Variants in HPCAL1 observed in about 807,000 individuals in gnomAD.
HPCAL1 encodes hippocalcin like 1.
Under a neutral mutation model 17.1 loss-of-function variants are expected in HPCAL1, and 8 were observed. The ratio of observed to expected loss-of-function variants is 0.47; its 90% CI spans 0.27 to 0.84. HPCAL1 has a LOEUF of 0.84. Among genes scored for constraint, HPCAL1 ranks in the 40% least tolerant of loss-of-function variants. HPCAL1 has a pLI of 0.13. For synonymous variants in HPCAL1, 112 were observed against 111.4 expected (o/e 1.01, Z -0.03); for missense variants, 165 against 271.1 (o/e 0.61, Z 2.75).
chr2:10,403,997 T>C (rs1572832601), intron 2 of HPCAL1, among the ~76,000 whole-genome samples: 1 of 152,292 alleles, frequency 6.6e-6, no homozygotes, highest in East Asian at 1.9e-4. Context: ...CATTTGTTAA[T>C]GTACCCATTT....
chr2:10,411,307 CT>C (rs1209722611), intron 2 of HPCAL1, among the ~76,000 whole-genome samples: 1 of 152,164 alleles, frequency 6.6e-6, no homozygotes, highest in African/African-American at 2.4e-5. Context: ...CCACTCAGAC[CT>C]CCTGGGTCCA....
rs552276519 is a variant in HPCAL1 at position 10,342,101 on chromosome 2, T to G, written c.-111+38924T>G. 1.1e-4 allele frequency among the ~76,000 whole-genome samples: 17 copies of G among 151,814 alleles called. No individual in the cohort carries two copies. The East Asian group carries it at 2.9e-3, about 26-fold the overall frequency. On this transcript the variant is annotated intron_variant, in intron 1 of 4. Transcript: ENST00000307845. The surrounding 1 kb of genome is among the most constrained non-coding windows in gnomAD (Gnocchi z 4.1). Reference sequence around the variant, plus strand: ...GGAAGGATGACTTGAGCCCAGGAGGTTGAGGCTACAGTGAGCTCTGATTGT... The same window carrying G: ...GGAAGGATGACTTGAGCCCAGGAGGGTGAGGCTACAGTGAGCTCTGATTGT...
At chr2:10,341,842 G>A (rs1361642199) in intron 1 of HPCAL1, among the ~76,000 whole-genome samples, 2 of 152,134 alleles carry the variant, frequency 1.3e-5, no homozygotes, top group Non-Finnish European at 2.9e-5. Context: ...ACAAGTTTGG[G>A]GTTGAAGAAG....
chr2:10,368,298 ATG>A (rs1171835535), intron 1 of HPCAL1, among the ~76,000 whole-genome samples: 2 of 143,912 alleles, frequency 1.4e-5, no homozygotes, highest in East Asian at 2.1e-4. Flanking sequence ...GTAGGTGTGC[ATG>A]TGTGTGCACA....
At chr2:10,380,993 C>T (rs535302576) in intron 1 of HPCAL1, among the ~76,000 whole-genome samples, 8 of 152,332 alleles carry the variant, frequency 5.3e-5, no homozygotes, top group South Asian at 4.1e-4. Context: ...CAGCCCACCA[C>T]CCTGATAAGA....
intron 2 of HPCAL1, among the ~76,000 whole-genome samples, chr2:10,407,995 T>C (rs897207568): frequency 3.1e-4 from 47 of 151,994 alleles, no homozygotes; most frequent in African/African-American, 1.1e-3. Flanking sequence ...GGTGGATGAG[T>C]AGGGGTTGGC....
At chr2:10,426,661 C>A in intron 4 of HPCAL1, 63 bp from the exon 5 acceptor site, 5 of 1,322,742 alleles carry the variant, frequency 3.8e-6, no homozygotes, top group Non-Finnish European at 5.5e-6. Flanking sequence ...CTGTCCCCAT[C>A]CTCTCTGGAA....
intron 1 of HPCAL1, among the ~76,000 whole-genome samples, chr2:10,313,548 C>T (rs1663114836): frequency 6.6e-6 from 1 of 152,204 alleles, no homozygotes; most frequent in South Asian, 2.1e-4. Context: ...GTTTGTTTTA[C>T]GCATTTGTTA....
chr2:10,340,792 A>G (rs1450252792), intron 1 of HPCAL1, among the ~76,000 whole-genome samples: 1 of 152,190 alleles, frequency 6.6e-6, no homozygotes, highest in Non-Finnish European at 1.5e-5. Flanking sequence ...CTGCCCTTCC[A>G]GCCAGCCCAC....
At chr2:10,333,929 G>A (rs1161028871) in intron 1 of HPCAL1, among the ~76,000 whole-genome samples, 1 of 152,198 alleles carries the variant, frequency 6.6e-6, no homozygotes, top group Non-Finnish European at 1.5e-5. Context: ...TTGTAGATAT[G>A]TGTAACAGAA....
intron 1 of HPCAL1, among the ~76,000 whole-genome samples, chr2:10,315,359 G>T (rs1426020274): frequency 6.6e-6 from 1 of 152,082 alleles, no homozygotes; most frequent in Non-Finnish European, 1.5e-5. Context: ...AAGAAAGTCA[G>T]AAAATAGATG....
intron 2 of HPCAL1, among the ~76,000 whole-genome samples, chr2:10,413,390 G>A (rs889297728): frequency 6.6e-6 from 1 of 152,236 alleles, no homozygotes; most frequent in African/African-American, 2.4e-5. Flanking sequence ...AGGTTCTTGT[G>A]CATGTGTGTA....
intron 1 of HPCAL1, among the ~76,000 whole-genome samples, chr2:10,305,023 C>T (rs928820842): frequency 2.0e-4 from 30 of 152,182 alleles, no homozygotes; most frequent in African/African-American, 7.0e-4. Flanking sequence ...TTCCCTCGGC[C>T]GAGACTGAAG....
chr2:10,411,538 G>A (rs1294040696), intron 2 of HPCAL1, among the ~76,000 whole-genome samples: 7 of 152,188 alleles, frequency 4.6e-5, no homozygotes, highest in Admixed American at 2.6e-4. Flanking sequence ...TAGGCAAGCC[G>A]CCGAGTGCCC....
intron 1 of HPCAL1, among the ~76,000 whole-genome samples, chr2:10,370,605 C>T (rs1299139438): frequency 1.3e-5 from 2 of 152,232 alleles, no homozygotes; most frequent in Non-Finnish European, 2.9e-5. Context: ...TCAGGCAAGG[C>T]TGCCCCATGA....
At position 10,330,323 on chromosome 2, in the gene HPCAL1, C is replaced by T. The variant is rs770544581; in HGVS notation, c.-111+27146C>T. 4.7e-5 allele frequency: 7 copies of T among 148,514 alleles called. No homozygotes were observed. Among genetic ancestry groups the T allele is most frequent in the Non-Finnish European group, 9.0e-5 (6 of 66,314 alleles). The allele number at this position is 148,514 out of a possible 1,614,324, so 9.2% of individuals were successfully genotyped here. ...CCCAGAATGCTTATTCTTATTTAGTCCTCATAGGAGAGTGGCGAAGGGCAG... is the reference window on the plus strand; with the variant it reads ...CCCAGAATGCTTATTCTTATTTAGTTCTCATAGGAGAGTGGCGAAGGGCAG... On this transcript the variant is annotated intron_variant, in intron 1 of 4. Transcript: ENST00000307845. The surrounding 1 kb of genome is among the most constrained non-coding windows in gnomAD (Gnocchi z 4.2).
At chr2:10,383,697 G>GAAAAGA (rs111351030) in intron 1 of HPCAL1, among the ~76,000 whole-genome samples, 3 of 150,290 alleles carry the variant, frequency 2.0e-5, no homozygotes, top group African/African-American at 4.9e-5. Flanking sequence ...GAAAAGAAAA[G>GAAAAGA]AAAAAAAAGG....
chr2:10,394,877 C>T lies in HPCAL1; in HGVS notation c.-110-1958C>T, dbSNP rs1424623970. Among the ~76,000 whole-genome samples the T allele has an allele frequency of 6.6e-6, 1 of 151,432 alleles. No individual in the cohort carries two copies. The highest frequency in any genetic ancestry group is 6.6e-5 in the Admixed American group (1 of 15,238). ...GTGGTGTGATCTCGGCTCACTGCAACCTCAGCCTTCTGGGCCCAGGTGATC... is the reference window on the plus strand; with the variant it reads ...GTGGTGTGATCTCGGCTCACTGCAATCTCAGCCTTCTGGGCCCAGGTGATC... On this transcript the variant is annotated intron_variant, in intron 1 of 4. Transcript: ENST00000307845. This position sits in a 1 kb window ranked among gnomAD's most constrained non-coding sequence, Gnocchi z 5.0.
chr2:10,385,038 T>C (rs1426695929), intron 1 of HPCAL1, among the ~76,000 whole-genome samples: 6 of 151,202 alleles, frequency 4.0e-5, no homozygotes, highest in Admixed American at 3.9e-4. Flanking sequence ...GAGAATCACT[T>C]GAACCCGGGA....
Sources: allele counts gnomAD v4.1 joint callset (sites outside exome capture counted in the v4.1 genomes callset), GRCh38; gene constraint gnomAD v4.1.1; non-coding constraint Gnocchi (gnomAD v3.1); transcripts MANE v1.5; gene names NCBI Gene and HGNC (gene_info 2026-07-23, HGNC 2026-07-21).